PHF14: variants seen among roughly 807,000 people sequenced by gnomAD.
PHF14 encodes the protein PHD finger protein 14.
In PHF14, 55 loss-of-function variants were observed where a neutral mutation model predicts 117.9. The observed-to-expected ratio is 0.47, with a 90% CI of 0.38 to 0.58. The LOEUF (loss-of-function observed/expected upper bound fraction) is 0.58, where lower values mean the gene tolerates loss of function less well. Among genes scored for constraint, PHF14 ranks in the 20% least tolerant of loss-of-function variants. The pLI is 0.00. For missense variants in PHF14, 978 were observed against 1,122.2 expected (o/e 0.87, Z 1.84); for synonymous variants, 409 against 368.6 (o/e 1.11, Z -1.26).
chr7:11,067,786 G>A (rs1341025816), intron 16 of PHF14, among the ~76,000 whole-genome samples: 1 of 152,102 alleles, frequency 6.6e-6, no homozygotes, highest in Non-Finnish European at 1.5e-5. Context: ...AGGAGAACTG[G>A]TATGATCAGG....
At chr7:11,118,198 T>C (rs371289638) in intron 17 of PHF14, among the ~76,000 whole-genome samples, 3 of 152,066 alleles carry the variant, frequency 2.0e-5, no homozygotes, top group African/African-American at 7.2e-5. Flanking sequence ...TGCGGTGTTT[T>C]GTAGACTTAC....
Position 10,974,308 on chromosome 7 carries a change from A to G in PHF14, c.-16A>G, listed in dbSNP as rs1583317910. Reference sequence around the variant, plus strand: ...CTCCCTAAGTCTTCTCCAAACGACCACCTCACGGATTCCTTAGTAAGTGTA... The same window carrying G: ...CTCCCTAAGTCTTCTCCAAACGACCGCCTCACGGATTCCTTAGTAAGTGTA... On this transcript the variant is annotated 5_prime_UTR_variant, in exon 1 of 18. Coordinates refer to ENST00000634607, the MANE Select transcript of PHF14 (RefSeq NM_001007157.2). 6.3e-7 allele frequency: 1 copy of G among 1,588,920 alleles called. No homozygotes were observed. Among genetic ancestry groups the G allele is most frequent in the Non-Finnish European group, 8.6e-7 (1 of 1,166,998 alleles).
rs1389154499 is a variant in PHF14 at position 10,982,607 on chromosome 7, G to C, written c.348G>C (p.Glu116Asp). 1 of 1,516,070 alleles carries C rather than the reference G, an allele frequency of 6.6e-7. No homozygotes were observed. The highest frequency in any genetic ancestry group is 1.2e-5 in the South Asian group (1 of 81,918). The allele number at this position is 1,516,070 out of a possible 1,614,324, so 93.9% of individuals were successfully genotyped here. Residue 116 changes from glutamate (E) to aspartate (D), a missense_variant, in exon 3 of 18, where the codon GAG becomes GAC. Glu to Asp is a conservative substitution (Grantham distance 45, BLOSUM62 2). Transcript: ENST00000634607. ...ENGERPRKKK[E>D]KEKEKEKEKE... is the part of the protein sequence containing the mutation. ...GAGAAAGACCTAGAAAGAAAAAGGAGAAAGAGAAGGAAAAAGAAAAGGAAA... is the reference window on the plus strand; with the variant it reads ...GAGAAAGACCTAGAAAGAAAAAGGACAAAGAGAAGGAAAAAGAAAAGGAAA...
At chr7:11,167,239 G>A (rs1374030362) in intron 17 of PHF14, among the ~76,000 whole-genome samples, 11 of 152,124 alleles carry the variant, frequency 7.2e-5, no homozygotes, top group African/African-American at 2.4e-4. Flanking sequence ...TAGACTGTCC[G>A]TGTGATAAAG....
intron 13 of PHF14, among the ~76,000 whole-genome samples, chr7:11,046,291 C>T (rs1275540456): frequency 6.6e-6 from 1 of 152,146 alleles, no homozygotes; most frequent in African/African-American, 2.4e-5. Context: ...AATAGTTAAT[C>T]ATCTCTTAAT....
At chr7:11,139,469 TAATC>T (rs1378002168) in intron 17 of PHF14, among the ~76,000 whole-genome samples, 3 of 152,208 alleles carry the variant, frequency 2.0e-5, no homozygotes, top group Non-Finnish European at 2.9e-5. Context: ...TGCAGGAACA[TAATC>T]AAGTTAGCCT....
intron 4 of PHF14, among the ~76,000 whole-genome samples, chr7:11,011,895 G>T (rs186061557): frequency 6.6e-6 from 1 of 152,094 alleles, no homozygotes; most frequent in African/African-American, 2.4e-5. Context: ...GTTCAGCATG[G>T]TTTTTTATAG....
intron 17 of PHF14, among the ~76,000 whole-genome samples, chr7:11,156,529 T>G (rs192858670): frequency 3.2e-4 from 49 of 152,162 alleles, no homozygotes; most frequent in Middle Eastern, 3.4e-3. Context: ...GCGTGGTGGC[T>G]CATGCCTGTA....
chr7:11,164,071 A>G (rs1184537790), intron 17 of PHF14, among the ~76,000 whole-genome samples: 2 of 152,206 alleles, frequency 1.3e-5, no homozygotes, highest in African/African-American at 4.8e-5. Context: ...TGGTTAGTAA[A>G]AGGAATATTT....
In PHF14 at chr7:11,018,214, T is replaced by C. The variant is rs116684950; in HGVS notation, c.1205+4308T>C. 7.8e-3 allele frequency among the ~76,000 whole-genome samples: 1,188 copies of C among 152,252 alleles called. 19 individuals carry two copies. Among genetic ancestry groups the C allele is most frequent in the African/African-American group, 0.026 (1,095 of 41,550 alleles). On this transcript the variant is annotated intron_variant, in intron 5 of 17. Transcript: ENST00000634607. ...TAGTATGATTCTTTTTTGCTTAGGATAGCTTTGGCTCTTCTGGGTCTTTTG... is the reference window on the plus strand; with the variant it reads ...TAGTATGATTCTTTTTTGCTTAGGACAGCTTTGGCTCTTCTGGGTCTTTTG...
chr7:11,020,422 G>T (rs757698033), intron 5 of PHF14, among the ~76,000 whole-genome samples: 68 of 151,932 alleles, frequency 4.5e-4, no homozygotes, highest in Non-Finnish European at 8.8e-4. Context: ...TTGTCACCCT[G>T]ACTGGAGTGC....
At chr7:11,046,795 GT>G (rs1175584970) in intron 13 of PHF14, among the ~76,000 whole-genome samples, 1 of 151,590 alleles carries the variant, frequency 6.6e-6, no homozygotes, top group Non-Finnish European at 1.5e-5. Flanking sequence ...ACCTCTTAAA[GT>G]TTTATGTAGG....
chr7:11,157,935 G>A (rs535942515), intron 17 of PHF14, among the ~76,000 whole-genome samples: 1 of 152,218 alleles, frequency 6.6e-6, no homozygotes, highest in African/African-American at 2.4e-5. Context: ...AAAATTAGAT[G>A]TTTGTCTGGT....
chr7:11,148,207 A>G (rs1352478147), intron 17 of PHF14, among the ~76,000 whole-genome samples: 2 of 152,184 alleles, frequency 1.3e-5, no homozygotes, highest in Admixed American at 1.3e-4. Flanking sequence ...CTCAACCAGA[A>G]TAAGCTTAAA....
At chr7:11,006,920 A>T (rs917291824) in intron 4 of PHF14, 9 of 469,600 alleles carry the variant, frequency 1.9e-5, no homozygotes, top group African/African-American at 1.6e-4. Context: ...CACACCTTTA[A>T]TCCCAGCATG....
At chr7:11,007,770 ATT>A in intron 4 of PHF14, among the ~76,000 whole-genome samples, 1 of 152,280 alleles carries the variant, frequency 6.6e-6, no homozygotes, top group Non-Finnish European at 1.5e-5. Context: ...ATTTTGTTGC[ATT>A]TCTTTTATCT....
intron 17 of PHF14, among the ~76,000 whole-genome samples, chr7:11,120,124 T>C (rs547236647): frequency 5.9e-5 from 9 of 151,974 alleles, no homozygotes; most frequent in East Asian, 3.9e-4. Flanking sequence ...GAAGATAGAG[T>C]AATTTAAATT....
chr7:11,116,668 T>G (rs535772905), intron 17 of PHF14, among the ~76,000 whole-genome samples: 1 of 151,960 alleles, frequency 6.6e-6, no homozygotes, highest in South Asian at 2.1e-4. Flanking sequence ...ACTTTTAAAC[T>G]GAATTGTTCA....
intron 16 of PHF14, chr7:11,063,516 C>T (rs1583426744): frequency 2.0e-6 from 2 of 981,382 alleles, no homozygotes; most frequent in Non-Finnish European, 2.4e-6. Context: ...GATTTTGAAA[C>T]AGTAGTTAAA....
Sources: allele counts gnomAD v4.1 joint callset (sites outside exome capture counted in the v4.1 genomes callset), GRCh38; gene constraint gnomAD v4.1.1; transcripts MANE v1.5; gene names NCBI Gene and HGNC (gene_info 2026-07-23, HGNC 2026-07-21).